Variants in MEI4 observed in about 807,000 individuals in gnomAD.
MEI4 encodes the protein meiotic double-stranded break formation protein 4, also known as meiosis-specific protein MEI4.
MEI4 carries 27 observed loss-of-function variants against 31.4 expected under a neutral mutation model. The ratio of observed to expected loss-of-function variants is 0.86; its 90% CI spans 0.63 to 1.19. MEI4 has a LOEUF of 1.19. Among genes scored for constraint, MEI4 ranks in the 50% most tolerant of loss-of-function variants. MEI4 has a pLI of 0.00. For synonymous variants in MEI4, 122 were observed against 145.4 expected, an observed-to-expected ratio of 0.84 and a Z score of 1.16; for missense variants, 329 against 398.9, an observed-to-expected ratio of 0.82 and a Z score of 1.49.
At chr6:77,754,460 A>G (rs1433559168) in intron 2 of MEI4, among the ~76,000 whole-genome samples, 1 of 152,128 alleles carries the variant, frequency 6.6e-6, no homozygotes, top group African/African-American at 2.4e-5. Flanking sequence ...ATTTTGGTCA[A>G]AATCATTTAA....
chr6:77,906,692 T>C (rs1312351349), intron 4 of MEI4, among the ~76,000 whole-genome samples: 1 of 152,148 alleles, frequency 6.6e-6, no homozygotes, highest in Non-Finnish European at 1.5e-5. Flanking sequence ...GCCTAACATA[T>C]AGGCTTGCAG....
At chr6:77,830,163 G>A (rs2127711702) in intron 4 of MEI4, among the ~76,000 whole-genome samples, 1 of 152,150 alleles carries the variant, frequency 6.6e-6, no homozygotes, top group Non-Finnish European at 1.5e-5. Flanking sequence ...TACAGAAAAG[G>A]AAGTACTTGA....
At chr6:77,827,630 T>A (rs1208867401) in intron 3 of MEI4, among the ~76,000 whole-genome samples, 1 of 152,092 alleles carries the variant, frequency 6.6e-6, no homozygotes, top group Non-Finnish European at 1.5e-5. Context: ...TACAGGAAGA[T>A]GTGAAAGAAA....
chr6:77,838,858 G>T (rs190913459), intron 4 of MEI4, among the ~76,000 whole-genome samples: 1 of 151,394 alleles, frequency 6.6e-6, no homozygotes, highest in African/African-American at 2.4e-5. Context: ...AACTGAGATC[G>T]TGCCATTGCA....
upstream of MEI4, among the ~76,000 whole-genome samples, chr6:77,650,432 C>G (rs568050417): frequency 6.6e-6 from 1 of 152,306 alleles, no homozygotes; most frequent in East Asian, 1.9e-4. Context: ...AGGCCCTGGG[C>G]GCTGGCCAGC....
intron 3 of MEI4, among the ~76,000 whole-genome samples, chr6:77,783,010 CTGTTTA>C (rs144870633): frequency 0.057 from 8,604 of 152,060 alleles, 661 homozygotes; most frequent in African/African-American, 0.17. Context: ...GTTTTTTCCA[CTGTTTA>C]TGTTTGTGGT....
At chr6:77,871,875 A>G (rs6919826) in intron 4 of MEI4, among the ~76,000 whole-genome samples, 43,239 of 151,938 alleles carry the variant, frequency 0.28, 6,840 homozygotes, top group South Asian at 0.38. Flanking sequence ...ACACTACTGA[A>G]AATAATTGAA....
intron 2 of MEI4, among the ~76,000 whole-genome samples, chr6:77,694,193 T>A (rs532830279): frequency 6.6e-6 from 1 of 152,092 alleles, no homozygotes; most frequent in Non-Finnish European, 1.5e-5. Context: ...TTGTTGTCTA[T>A]TTGAAATTCA....
chr6:77,778,495 A>G (rs1513021), intron 3 of MEI4, among the ~76,000 whole-genome samples: 29,126 of 151,806 alleles, frequency 0.19, 3,750 homozygotes, highest in East Asian at 0.4. Context: ...GAGCCCAGGA[A>G]TTGAAGACCA....
At chr6:77,757,850 C>T (rs1014691538) in intron 2 of MEI4, among the ~76,000 whole-genome samples, 1 of 151,946 alleles carries the variant, frequency 6.6e-6, no homozygotes, top group African/African-American at 2.4e-5. Flanking sequence ...ATGATCAGTC[C>T]ATCTGGCTGT....
At chr6:77,762,297 A>C (rs867616354) in intron 3 of MEI4, among the ~76,000 whole-genome samples, 25 of 152,192 alleles carry the variant, frequency 1.6e-4, no homozygotes, top group African/African-American at 6.0e-4. Flanking sequence ...CATGGCTTAG[A>C]AAGATTTACT....
intron 2 of MEI4, among the ~76,000 whole-genome samples, chr6:77,744,158 AT>A (rs1433256958): frequency 1.3e-5 from 2 of 152,242 alleles, no homozygotes; most frequent in Non-Finnish European, 2.9e-5. Context: ...GCTTCAGACG[AT>A]CAAACTACTC....
rs28857842 is a variant in MEI4 at position 77,915,691 on chromosome 6, A to G, written c.901-7398A>G. 8.7e-3 allele frequency among the ~76,000 whole-genome samples: 1,322 copies of G among 152,148 alleles called. 20 individuals carry two copies. The highest frequency in any genetic ancestry group is 0.03 in the African/African-American group (1,245 of 41,550). ...TAATTGGTCCCTTTATAATTATATA[A>G]TGACCTTCTTTGTTTCTTTTTACTG... On this transcript the variant is annotated intron_variant, in intron 4 of 4. Transcript: ENST00000684080.
Position 77,662,950 on chromosome 6 carries a change from G to A in MEI4, c.-15+9858G>A, listed in dbSNP as rs546076990. Among the ~76,000 whole-genome samples the A allele has an allele frequency of 5.9e-5, 9 of 152,308 alleles. No individual in the cohort carries two copies. The East Asian group carries it at 1.7e-3, about 29-fold the overall frequency. On this transcript the variant is annotated intron_variant, in intron 1 of 4. Transcript: ENST00000684080. ...AGCAGTACAGCCTAGGTAATTTGCT[G>A]AGCTTGATGGGTGTCAGGGTCAGTC...
At chr6:77,848,095 T>C (rs1203594202) in intron 4 of MEI4, among the ~76,000 whole-genome samples, 7 of 152,184 alleles carry the variant, frequency 4.6e-5, no homozygotes, top group African/African-American at 1.4e-4. Flanking sequence ...ATGGCACATA[T>C]TTGGTACTTT....
At chr6:77,774,199 A>G (rs1398960046) in intron 3 of MEI4, among the ~76,000 whole-genome samples, 1 of 152,124 alleles carries the variant, frequency 6.6e-6, no homozygotes, top group African/African-American at 2.4e-5. Context: ...CATCAAAGAG[A>G]TATCTGCACT....
At chr6:77,694,699 T>C (rs1765969876) in intron 2 of MEI4, among the ~76,000 whole-genome samples, 2 of 152,180 alleles carry the variant, frequency 1.3e-5, no homozygotes, top group African/African-American at 4.8e-5. Context: ...TCTTTGCTAG[T>C]GTGACTAGTG....
chr6:77,841,334 T>TATATATATATATATATATA (rs1554168570), intron 4 of MEI4, among the ~76,000 whole-genome samples: 1 of 32,750 alleles, frequency 3.1e-5, no homozygotes, highest in African/African-American at 2.3e-4. Flanking sequence ...TATATATATA[T>TATATATATATATATATATA]TTTTTTTTTT....
At chr6:77,714,822 A>G (rs575348798) in intron 2 of MEI4, among the ~76,000 whole-genome samples, 28 of 152,240 alleles carry the variant, frequency 1.8e-4, no homozygotes, top group Middle Eastern at 3.4e-3. Context: ...TAAATGCTCC[A>G]TGATCTCTCA....
Sources: gnomAD v4.1 joint callset for allele counts (sites outside exome capture counted in the v4.1 genomes callset) on GRCh38, gnomAD v4.1.1 for gene constraint, MANE v1.5 for transcripts, NCBI Gene and HGNC (gene_info 2026-07-23, HGNC 2026-07-21) for gene names.